The following CCDC57 variants were observed in gnomAD, a reference collection of about 807,000 sequenced individuals.
CCDC57 encodes coiled-coil domain-containing protein 57.
A neutral mutation model predicts 118.9 loss-of-function variants in CCDC57; 118 were observed. That is an observed-to-expected ratio of 0.99 (90% CI 0.86 to 1.16). The LOEUF (loss-of-function observed/expected upper bound fraction) is 1.16. Ranked by LOEUF, CCDC57 falls within the 50% of genes most tolerant of loss-of-function variation. The pLI, the probability that CCDC57 is intolerant of heterozygous loss-of-function variation, is 0.00. For synonymous variants in CCDC57, 527 were observed against 532.9 expected (o/e 0.99, Z 0.15); for missense variants, 1,300 against 1,320.7 (o/e 0.98, Z 0.24).
At chr17:82,115,712 G>T (rs1468682662) in intron 19 of CCDC57, among the ~76,000 whole-genome samples, 2 of 151,514 alleles carry the variant, frequency 1.3e-5, no homozygotes, top group Non-Finnish European at 2.9e-5. Context: ...GAGGTGGAGT[G>T]AGCTGAGATC....
chr17:82,115,940 G>T (rs2035847502), intron 19 of CCDC57, among the ~76,000 whole-genome samples: 1 of 151,018 alleles, frequency 6.6e-6, no homozygotes. Context: ...TGGGTTTACA[G>T]GTGCCTGCAA....
chr17:82,188,500 C>T (rs1232926180), intron 7 of CCDC57, 81 bp from the exon 7 acceptor site: 1 of 1,395,732 alleles, frequency 7.2e-7, no homozygotes. Context: ...GCGTTCATTG[C>T]CCTGTCTCGT....
At chr17:82,120,707 C>T (rs1303612013) in intron 19 of CCDC57, among the ~76,000 whole-genome samples, 1 of 152,214 alleles carries the variant, frequency 6.6e-6, no homozygotes, top group Admixed American at 6.5e-5. Flanking sequence ...CTAAATCCTT[C>T]ACAGGGTGAA....
At chr17:82,111,222 A>G (rs1226603306) in intron 19 of CCDC57, among the ~76,000 whole-genome samples, 2 of 147,010 alleles carry the variant, frequency 1.4e-5, no homozygotes, top group East Asian at 2.1e-4. Flanking sequence ...CAGCCTCCCG[A>G]GTAGCTGGGA....
intron 19 of CCDC57, among the ~76,000 whole-genome samples, chr17:82,103,607 G>T (rs982117248): frequency 6.6e-6 from 1 of 152,248 alleles, no homozygotes; most frequent in African/African-American, 2.4e-5. Flanking sequence ...AAACCCAGAG[G>T]CCTTGGTTGT....
chr17:82,127,313 G>A (rs934506880), intron 19 of CCDC57: 272 of 985,218 alleles, frequency 2.8e-4, no homozygotes, highest in Non-Finnish European at 3.1e-4. Context: ...GAGCAGGGCC[G>A]TCTAAAGTGC....
At chr17:82,210,899 C>A (rs1369286976) in intron 1 of CCDC57, among the ~76,000 whole-genome samples, 1 of 147,506 alleles carries the variant, frequency 6.8e-6, no homozygotes, top group Non-Finnish European at 1.5e-5. Context: ...GAGGCTGAGG[C>A]AGGAGAATCA....
Position 82,173,859 on chromosome 17 carries a change from G to A in CCDC57, c.1507-999C>T, listed in dbSNP as rs543122879. ...AGGAGAGACAGGCCCCGCCCACCCAGTTCCTAGGGAGAGGGAGTGTCCTTC... is the reference window on the plus strand; with the variant it reads ...AGGAGAGACAGGCCCCGCCCACCCAATTCCTAGGGAGAGGGAGTGTCCTTC... On this transcript the variant is annotated intron_variant, in intron 11 of 19. Transcript: ENST00000665763. 7.9e-5 allele frequency among the ~76,000 whole-genome samples: 12 copies of A among 152,298 alleles called. No homozygotes were observed. In the East Asian group the frequency reaches 2.3e-3, roughly 29 times the overall value.
chr17:82,173,476 G>A (rs2045040970), intron 11 of CCDC57, among the ~76,000 whole-genome samples: 1 of 152,268 alleles, frequency 6.6e-6, no homozygotes, highest in South Asian at 2.1e-4. Flanking sequence ...TGAACAAGGT[G>A]CACAAGGAAC....
chr17:82,160,336 CA>C, intron 14 of CCDC57: 1 of 47,162 alleles, frequency 2.1e-5, no homozygotes, highest in Non-Finnish European at 4.2e-5. Context: ...AAAGACAGGC[CA>C]GGTGCAGTGA....
Position 82,172,599 on chromosome 17 carries a change from C to G in CCDC57, c.1729+39G>C, listed in dbSNP as rs1032348094. The G allele has an allele frequency of 1.3e-6, 2 of 1,525,836 alleles. No homozygotes were observed. The highest frequency in any genetic ancestry group is 2.0e-5 in the Admixed American group (1 of 50,946). 94.5% of individuals were successfully genotyped at this position (1,525,836 alleles called of 1,614,324 possible). A position where few individuals can be genotyped will look rare whatever the true frequency, so the allele number is the denominator to read the frequency against. On this transcript the variant is annotated intron_variant, in intron 12 of 19. Coordinates refer to ENST00000665763, the Ensembl canonical transcript of CCDC57. The surrounding 1 kb of genome is among the most constrained non-coding windows in gnomAD (Gnocchi z 5.2). ...TCTGTCCTCCTCCCTCCCTCTCCCCCTTCCTCTCCCGCTCTGTCCGTTTCT... is the reference window on the plus strand; with the variant it reads ...TCTGTCCTCCTCCCTCCCTCTCCCCGTTCCTCTCCCGCTCTGTCCGTTTCT...
chr17:82,184,382 A>G (rs1430394628), intron 8 of CCDC57, among the ~76,000 whole-genome samples: 3 of 152,192 alleles, frequency 2.0e-5, no homozygotes, highest in Non-Finnish European at 4.4e-5. Context: ...CATTCAGCAC[A>G]TTTTCAAGTT....
At chr17:82,107,774 TGAGATGGGACTCTGG>T (rs1416295360) in intron 19 of CCDC57, among the ~76,000 whole-genome samples, 1 of 152,120 alleles carries the variant, frequency 6.6e-6, no homozygotes, top group Non-Finnish European at 1.5e-5. Context: ...GGCGTCCACC[TGAGATGGGACTCTGG>T]GAGGGAACAG....
At chr17:82,106,535 C>G (rs1353771002) in intron 19 of CCDC57, 1 of 152,278 alleles carries the variant, frequency 6.6e-6, no homozygotes, top group East Asian at 1.9e-4. Context: ...CACACCCCAC[C>G]CTTCTCCTGC....
At chr17:82,121,923 C>T (rs566105688) in intron 19 of CCDC57, among the ~76,000 whole-genome samples, 1 of 152,218 alleles carries the variant, frequency 6.6e-6, no homozygotes, top group African/African-American at 2.4e-5. Flanking sequence ...CTTAACTGAT[C>T]CACACCAGCC....
exon 8 of CCDC57, chr17:82,188,371 C>T (rs2047239759): frequency 1.2e-6 from 2 of 1,611,748 alleles, no homozygotes; most frequent in African/African-American, 1.3e-5. Context: ...CCTTCACCGC[C>T]ACCAGCACTG....
intron 13 of CCDC57, among the ~76,000 whole-genome samples, chr17:82,166,266 G>A (rs1388417856): frequency 6.6e-6 from 1 of 151,912 alleles, no homozygotes; most frequent in African/African-American, 2.4e-5. Context: ...GCAAGTTACT[G>A]GGGAGGGTAG....
intron 7 of CCDC57, among the ~76,000 whole-genome samples, chr17:82,191,537 C>T (rs905361013): frequency 3.3e-5 from 5 of 152,122 alleles, no homozygotes; most frequent in African/African-American, 1.2e-4. Context: ...CCCTCCCTTC[C>T]ACCTCCTCCA....
intron 19 of CCDC57, among the ~76,000 whole-genome samples, chr17:82,108,595 A>T (rs2035026691): frequency 6.6e-6 from 1 of 152,190 alleles, no homozygotes; most frequent in South Asian, 2.1e-4. Flanking sequence ...TTCACAAAAA[A>T]ATCTGACCAC....
Sources: allele counts gnomAD v4.1 joint callset (sites outside exome capture counted in the v4.1 genomes callset), GRCh38; gene constraint gnomAD v4.1.1; non-coding constraint Gnocchi (gnomAD v3.1); transcripts MANE v1.5; gene names NCBI Gene and HGNC (gene_info 2026-07-23, HGNC 2026-07-21).